Variants in CCSER1 observed in about 807,000 individuals in gnomAD.
CCSER1 encodes the protein coiled-coil serine rich protein 1, also known as serine-rich coiled-coil domain-containing protein 1.
Under a neutral mutation model 82.0 loss-of-function variants are expected in CCSER1, and 41 were observed. That is an observed-to-expected ratio of 0.50 (90% CI 0.39 to 0.65). The LOEUF (loss-of-function observed/expected upper bound fraction) is 0.65. CCSER1 is among the 30% of genes least tolerant of loss of function. The pLI, the probability that CCSER1 is intolerant of heterozygous loss-of-function variation, is 0.00. For synonymous variants in CCSER1, 414 were observed against 383.9 expected (o/e 1.08, Z -0.92); for missense variants, 1,119 against 1,064.2 (o/e 1.05, Z -0.72).
At chr4:90,166,511 G>A (rs1348203778) in intron 1 of CCSER1, among the ~76,000 whole-genome samples, 1 of 151,854 alleles carries the variant, frequency 6.6e-6, no homozygotes, top group Non-Finnish European at 1.5e-5. Flanking sequence ...ATTATTAAAA[G>A]CTTATAGCAT....
At position 91,258,334 on chromosome 4, in the gene CCSER1, A is replaced by G. The variant is rs193178861; in HGVS notation, c.2217+172340A>G. ...GTGCAATAAGATACAATAGGATCCA[A>G]TTTTTCAAATTATCAGCAATATTTT... On this transcript the variant is annotated intron_variant, in intron 10 of 10. Coordinates refer to ENST00000509176, the MANE Select transcript of CCSER1 (RefSeq NM_001145065.2). Among the ~76,000 whole-genome samples the G allele has an allele frequency of 2.3e-3, 344 of 152,176 alleles. 6 individuals are homozygous for G. Among genetic ancestry groups the G allele is most frequent in the Non-Finnish European group, 2.9e-3 (197 of 67,946 alleles).
At chr4:90,440,337 G>A (rs1265292438) in intron 4 of CCSER1, among the ~76,000 whole-genome samples, 6 of 152,088 alleles carry the variant, frequency 3.9e-5, no homozygotes, top group Non-Finnish European at 8.8e-5. Context: ...GTGTAAACAT[G>A]TTTCTATTCT....
chr4:90,652,458 T>C (rs959522654), intron 6 of CCSER1, among the ~76,000 whole-genome samples: 1 of 152,150 alleles, frequency 6.6e-6, no homozygotes, highest in African/African-American at 2.4e-5. Flanking sequence ...AGTGGTCTGT[T>C]TGCATGTGTT....
chr4:90,929,950 A>G (rs866085481), intron 9 of CCSER1, among the ~76,000 whole-genome samples: 1 of 152,226 alleles, frequency 6.6e-6, no homozygotes, highest in Non-Finnish European at 1.5e-5. Flanking sequence ...CACATTGTAT[A>G]CATATATCAA....
At chr4:91,387,154 C>T (rs1293808491) in intron 10 of CCSER1, among the ~76,000 whole-genome samples, 2 of 151,608 alleles carry the variant, frequency 1.3e-5, no homozygotes, top group Non-Finnish European at 2.9e-5. Context: ...AAGAGGATGC[C>T]CTTGTTTATA....
chr4:90,686,985 C>T (rs1344700572), intron 6 of CCSER1, among the ~76,000 whole-genome samples: 3 of 152,182 alleles, frequency 2.0e-5, no homozygotes, highest in Non-Finnish European at 4.4e-5. Context: ...AGTGGGGGTC[C>T]CCAAGTGCCA....
chr4:91,419,920 T>G (rs1253099563), intron 10 of CCSER1, among the ~76,000 whole-genome samples: 1 of 152,044 alleles, frequency 6.6e-6, no homozygotes, highest in Admixed American at 6.6e-5. Flanking sequence ...AAAAAAGCTT[T>G]GACAAGAGCA....
intron 9 of CCSER1, among the ~76,000 whole-genome samples, chr4:90,943,124 T>C (rs559583961): frequency 6.6e-6 from 1 of 152,050 alleles, no homozygotes; most frequent in South Asian, 2.1e-4. Flanking sequence ...CAGAAAACTT[T>C]CTTCCTAATG....
rs538141333 is a variant in CCSER1 at position 90,462,621 on chromosome 4, A to C, written c.1604-5613A>C. ...TATGGTGGTGTATACCTGTAGTCCC[A>C]GCTACTCAGGAGGCTGAGGCAGGCG... On this transcript the variant is annotated intron_variant, in intron 4 of 10. Transcript: ENST00000509176. Among the ~76,000 whole-genome samples the C allele has an allele frequency of 5.1e-4, 77 of 152,302 alleles. 2 individuals are homozygous for C. The South Asian group carries it at 0.015, about 30-fold the overall frequency.
chr4:91,559,896 A>G lies in CCSER1; in HGVS notation c.2218-38676A>G, dbSNP rs1327550198. On this transcript the variant is annotated intron_variant, in intron 10 of 10. Transcript: ENST00000509176. ...CTTTATGTTTTGGCCAGTGGGTGTC[A>G]TTGGTAAATGTAATGAAAAAAGGAA... Among the ~76,000 whole-genome samples, 3 of 151,490 alleles carry G rather than the reference A, an allele frequency of 2.0e-5. No individual in the cohort carries two copies. In the East Asian group the frequency reaches 5.8e-4, roughly 29 times the overall value.
At chr4:90,481,992 A>C (rs898869240) in intron 5 of CCSER1, among the ~76,000 whole-genome samples, 1 of 152,156 alleles carries the variant, frequency 6.6e-6, no homozygotes, top group African/African-American at 2.4e-5. Context: ...CTGTGAATCC[A>C]TCTGGTCCTG....
intron 10 of CCSER1, among the ~76,000 whole-genome samples, chr4:91,427,477 A>G (rs550379027): frequency 6.1e-4 from 93 of 152,246 alleles, no homozygotes; most frequent in Admixed American, 1.7e-3. Flanking sequence ...ATCTGTAAAC[A>G]ATCCCATTAG....
At chr4:90,157,466 T>C (rs1317726864) in intron 1 of CCSER1, among the ~76,000 whole-genome samples, 1 of 152,190 alleles carries the variant, frequency 6.6e-6, no homozygotes, top group Non-Finnish European at 1.5e-5. Context: ...TCCTGAAGAG[T>C]GTTTTCTAAC....
At chr4:91,553,841 C>CA (rs1372835857) in intron 10 of CCSER1, among the ~76,000 whole-genome samples, 3 of 149,782 alleles carry the variant, frequency 2.0e-5, no homozygotes, top group Non-Finnish European at 4.5e-5. Context: ...AAAGGTTTAT[C>CA]AATTTTTTAA....
chr4:90,191,471 C>A (rs552942836), intron 1 of CCSER1, among the ~76,000 whole-genome samples: 18 of 151,966 alleles, frequency 1.2e-4, no homozygotes, highest in Admixed American at 1.1e-3. Context: ...GTCCAAATTA[C>A]CAAGAAGTGG....
rs559349837 is a variant in CCSER1 at position 90,836,659 on chromosome 4, A to C, written c.2094+20814A>C. Among the ~76,000 whole-genome samples, 3 of 152,300 alleles carry C rather than the reference A, an allele frequency of 2.0e-5. No individual in the cohort carries two copies. In the East Asian group the frequency reaches 5.8e-4, roughly 29 times the overall value. ...AGCAGCAGCCACAGCCACACACTAG[A>C]GTGTGTGGGCCACAGAAGTCCTGAT... On this transcript the variant is annotated intron_variant, in intron 8 of 10. Coordinates refer to ENST00000509176, the MANE Select transcript of CCSER1 (RefSeq NM_001145065.2).
At chr4:91,290,807 A>G (rs920357498) in intron 10 of CCSER1, among the ~76,000 whole-genome samples, 6 of 151,992 alleles carry the variant, frequency 3.9e-5, no homozygotes, top group Non-Finnish European at 8.8e-5. Context: ...TTTGCCTATT[A>G]TGAAATTATT....
At chr4:90,664,152 T>G (rs530474325) in intron 6 of CCSER1, among the ~76,000 whole-genome samples, 3 of 152,210 alleles carry the variant, frequency 2.0e-5, no homozygotes, top group African/African-American at 7.2e-5. Flanking sequence ...ATATTGATGG[T>G]ATGAGTATGA....
At chr4:90,166,945 T>G (rs1578283501) in intron 1 of CCSER1, among the ~76,000 whole-genome samples, 1 of 152,166 alleles carries the variant, frequency 6.6e-6, no homozygotes, top group East Asian at 1.9e-4. Flanking sequence ...ATCATATTTT[T>G]AATTCTTGAG....
Sources: allele counts gnomAD v4.1 joint callset (sites outside exome capture counted in the v4.1 genomes callset), GRCh38; gene constraint gnomAD v4.1.1; transcripts MANE v1.5; gene names NCBI Gene and HGNC (gene_info 2026-07-23, HGNC 2026-07-21).